SENP5: variants seen among roughly 807,000 people sequenced by gnomAD.
SENP5 encodes SUMO specific peptidase 5.
In SENP5, 21 loss-of-function variants were observed where a neutral mutation model predicts 74.2. The ratio of observed to expected loss-of-function variants is 0.28; its 90% confidence interval spans 0.20 to 0.41. SENP5 has a LOEUF of 0.41. Among genes scored for constraint, SENP5 ranks in the 10% least tolerant of loss-of-function variants. SENP5 has a pLI of 1.00. For synonymous variants in SENP5, 311 were observed against 312.7 expected, an observed-to-expected ratio of 0.99 and a Z score of 0.06; for missense variants, 717 against 889.1, an observed-to-expected ratio of 0.81 and a Z score of 2.46.
At chr3:196,925,244 C>T (rs1253470455) in intron 7 of SENP5, among the ~76,000 whole-genome samples, 1 of 151,594 alleles carries the variant, frequency 6.6e-6, no homozygotes, top group African/African-American at 2.4e-5. Flanking sequence ...AAGTATAATG[C>T]AAACTATGAG....
In SENP5 at chr3:196,931,754, G is replaced by C. The variant is rs1440650416; in HGVS notation, c.*831G>C. 2.5e-5 allele frequency: 7 copies of C among 284,284 alleles called. No homozygotes were observed. 17.6% of individuals were successfully genotyped at this position (284,284 alleles called of 1,614,324 possible). On this transcript the variant is annotated 3_prime_UTR_variant, in exon 10 of 10. Coordinates refer to ENST00000323460, the MANE Select transcript of SENP5 (RefSeq NM_152699.5). ...CCATCAAACTAGTGGTCAAACAAAT[G>C]AGAATGCAGCTGTTCTCAGAGTAAT...
At chr3:196,894,450 TG>T (rs796271642) in intron 2 of SENP5, among the ~76,000 whole-genome samples, 30 of 152,058 alleles carry the variant, frequency 2.0e-4, no homozygotes, top group African/African-American at 6.7e-4. Context: ...TTTAGTGCTT[TG>T]GAAAAAAGTT....
At chr3:196,906,374 A>G (rs555116650) in intron 6 of SENP5, among the ~76,000 whole-genome samples, 172 of 152,266 alleles carry the variant, frequency 1.1e-3, no homozygotes, top group African/African-American at 3.8e-3. Flanking sequence ...AATATTAGAG[A>G]CAGTTTTTGC....
At chr3:196,909,635 A>G (rs939923520) in intron 6 of SENP5, among the ~76,000 whole-genome samples, 7 of 152,256 alleles carry the variant, frequency 4.6e-5, no homozygotes, top group African/African-American at 1.7e-4. Context: ...ATAATCCGTC[A>G]TATAAACAGA....
chr3:196,899,009 G>A (rs943074998), intron 2 of SENP5, among the ~76,000 whole-genome samples: 4 of 151,756 alleles, frequency 2.6e-5, no homozygotes, highest in Middle Eastern at 3.4e-3. Flanking sequence ...AACCCGGGAG[G>A]TGGAGCTTGT....
At chr3:196,897,038 T>G (rs1412490625) in intron 2 of SENP5, among the ~76,000 whole-genome samples, 4 of 152,184 alleles carry the variant, frequency 2.6e-5, no homozygotes, top group Non-Finnish European at 4.4e-5. Context: ...TCTCCATCAT[T>G]CTACCACCAG....
At chr3:196,888,633 T>C (rs571901091) in intron 2 of SENP5, among the ~76,000 whole-genome samples, 1 of 151,644 alleles carries the variant, frequency 6.6e-6, no homozygotes, top group South Asian at 2.1e-4. Context: ...CAAAATGGTA[T>C]GAAACCATTT....
intron 1 of SENP5, among the ~76,000 whole-genome samples, chr3:196,868,308 GT>G (rs2108798075): frequency 6.6e-6 from 1 of 152,384 alleles, no homozygotes; most frequent in East Asian, 1.9e-4. Flanking sequence ...CAGCCGGGCT[GT>G]GCGTCGCAGG....
In SENP5 at chr3:196,907,365, T is replaced by G. The variant is rs1323944515; in HGVS notation, c.1884+3755T>G. Among the ~76,000 whole-genome samples, 10 of 146,982 alleles carry G rather than the reference T, an allele frequency of 6.8e-5. No homozygotes were observed. The Admixed American group carries it at 6.9e-4, about 10-fold the overall frequency. On this transcript the variant is annotated intron_variant, in intron 6 of 9. Coordinates refer to ENST00000323460, the MANE Select transcript of SENP5 (RefSeq NM_152699.5). ...GACGGATGCCTGTAGTCCCACTTAC[T>G]CAGGAGACTGAACCCAGGAGGCGGA...
At chr3:196,882,965 C>T (rs1316920147) in intron 1 of SENP5, among the ~76,000 whole-genome samples, 2 of 150,070 alleles carry the variant, frequency 1.3e-5, no homozygotes, top group South Asian at 2.1e-4. Flanking sequence ...TTATAGTCTC[C>T]AGAAAAGAAT....
At position 196,933,012 on chromosome 3, in the gene SENP5, G is replaced by GTTTTTTTTTT. The variant is rs1560165563; in HGVS notation, c.*2089_*2090insTTTTTTTTTT. The GTTTTTTTTTT allele has an allele frequency of 2.8e-5, 2 of 71,672 alleles. No homozygotes were observed. The highest frequency in any genetic ancestry group is 5.3e-5 in the Non-Finnish European group (2 of 37,442). 4.4% of individuals were successfully genotyped at this position (71,672 alleles called of 1,614,324 possible). A position where few individuals can be genotyped will look rare whatever the true frequency, so the allele number is the denominator to read the frequency against. On this transcript the variant is annotated 3_prime_UTR_variant, in exon 10 of 10. Transcript: ENST00000323460. ...TGGCTTAGACTAAATGTTGAGTTTG[G>GTTTTTTTTTT]GTTTTTTGTTTTTTTTTTTTTTTGA...
At chr3:196,928,517 C>T (rs1049757040) in intron 8 of SENP5, among the ~76,000 whole-genome samples, 2 of 152,102 alleles carry the variant, frequency 1.3e-5, no homozygotes, top group Non-Finnish European at 2.9e-5. Flanking sequence ...GGATAAGCAT[C>T]GTCTTTATTT....
intron 6 of SENP5, among the ~76,000 whole-genome samples, chr3:196,906,772 C>T (rs1560153101): frequency 6.6e-6 from 1 of 152,098 alleles, no homozygotes; most frequent in Non-Finnish European, 1.5e-5. Context: ...GGATTTTATC[C>T]TAAATGTAAT....
Position 196,885,437 on chromosome 3 carries a change from A to G in SENP5, c.256A>G (p.Thr86Ala). 5 of 1,614,200 alleles carry G rather than the reference A, an allele frequency of 3.1e-6. No individual in the cohort carries two copies. The highest frequency in any genetic ancestry group is 4.2e-6 in the Non-Finnish European group (5 of 1,180,038). Residue 86 changes from threonine (T) to alanine (A), a missense_variant, in exon 2 of 10, where the codon ACT (threonine) becomes GCT (alanine). This residue lies in a region of SENP5 where 567 missense variants were observed against 577.4 expected (regional missense o/e 0.98). Coordinates refer to ENST00000323460, the MANE Select transcript of SENP5 (RefSeq NM_152699.5). Reference protein sequence around the residue: ...LCAKTKFNVATQNVSTLSSKV... With the variant: ...LCAKTKFNVAAQNVSTLSSKV... ...TGCTAAGACCAAGTTCAATGTGGCT[A>G]CTCAAAATGTTAGTACTTTGTCCTC...
At chr3:196,891,597 C>T (rs1292163497) in intron 2 of SENP5, among the ~76,000 whole-genome samples, 2 of 152,076 alleles carry the variant, frequency 1.3e-5, no homozygotes, top group African/African-American at 4.8e-5. Context: ...GATATAAATA[C>T]ATAGAGGGAT....
chr3:196,902,069 A>T (rs1203304947), intron 5 of SENP5, among the ~76,000 whole-genome samples: 1 of 152,238 alleles, frequency 6.6e-6, no homozygotes, highest in Admixed American at 6.5e-5. Flanking sequence ...ACTGCTCTAG[A>T]GACAGCTACT....
intron 2 of SENP5, among the ~76,000 whole-genome samples, chr3:196,890,370 C>G (rs1714150002): frequency 6.6e-6 from 1 of 152,208 alleles, no homozygotes; most frequent in African/African-American, 2.4e-5. Context: ...AATATGACTG[C>G]ACATTATGCT....
chr3:196,933,378 C>T lies in SENP5; in HGVS notation c.*2455C>T, dbSNP rs974366873. 1.3e-5 allele frequency: 2 copies of T among 152,222 alleles called. No individual in the cohort carries two copies. Among genetic ancestry groups the T allele is most frequent in the African/African-American group, 4.8e-5 (2 of 41,448 alleles). The allele number at this position is 152,222 out of a possible 1,614,324, so 9.4% of individuals were successfully genotyped here. A position where few individuals can be genotyped will look rare whatever the true frequency, so the allele number is the denominator to read the frequency against. The stretch of plus-strand genomic sequence containing the variant: ...TCATTGATGAAACTTGGTTTCAGCA[C>T]ACGTAATTGCTTTCCCTCTCTTCTT... On this transcript the variant is annotated 3_prime_UTR_variant, in exon 10 of 10. Coordinates refer to ENST00000323460, the MANE Select transcript of SENP5 (RefSeq NM_152699.5).
intron 1 of SENP5, among the ~76,000 whole-genome samples, chr3:196,876,739 C>T (rs1413767085): frequency 6.9e-6 from 1 of 145,884 alleles, no homozygotes; most frequent in African/African-American, 2.5e-5. Context: ...AATTGCCAGG[C>T]GTGGTGGTGT....
Sources: gnomAD v4.1 joint callset for allele counts (sites outside exome capture counted in the v4.1 genomes callset) on GRCh38, gnomAD v4.1.1 for gene constraint, gnomAD v4.1.1 regional missense constraint, MANE v1.5 for transcripts, NCBI Gene and HGNC (gene_info 2026-07-23, HGNC 2026-07-21) for gene names.